CSMD3: variants seen among roughly 807,000 people sequenced by gnomAD.
CSMD3 encodes the protein CUB and sushi domain-containing protein 3.
CSMD3 carries 177 observed loss-of-function variants against 435.2 expected under a neutral mutation model. The observed-to-expected ratio is 0.41, with a 90% CI of 0.36 to 0.46. The LOEUF is 0.46. CSMD3 is among the 20% of genes least tolerant of loss of function. CSMD3 has a pLI of 0.34. For missense variants in CSMD3, 4,265 were observed against 4,504.6 expected (o/e 0.95, Z 1.52); for synonymous variants, 1,656 against 1,520.5 (o/e 1.09, Z -2.07).
chr8:112,684,935 C>A (rs1468703263), intron 15 of CSMD3, among the ~76,000 whole-genome samples: 1 of 152,110 alleles, frequency 6.6e-6, no homozygotes, highest in East Asian at 1.9e-4. Flanking sequence ...ATTTCCTTTT[C>A]TATGATGCTA....
chr8:112,947,660 A>G (rs1180510314), intron 9 of CSMD3, 130 bp downstream of exon 9: 4 of 552,444 alleles, frequency 7.2e-6, no homozygotes, highest in Non-Finnish European at 1.3e-5. Context: ...TATTATTAAT[A>G]ACAATACATT....
At chr8:112,357,096 A>G (rs1826691303) in intron 38 of CSMD3, among the ~76,000 whole-genome samples, 2 of 152,156 alleles carry the variant, frequency 1.3e-5, no homozygotes, top group African/African-American at 2.4e-5. Context: ...GGAACTTCCT[A>G]GAGACTTGTT....
chr8:112,671,694 G>GC (rs2075659677), intron 16 of CSMD3, among the ~76,000 whole-genome samples: 2 of 152,080 alleles, frequency 1.3e-5, no homozygotes, highest in African/African-American at 4.8e-5. Flanking sequence ...TAGCGGCAGA[G>GC]CTGAGACTCA....
chr8:113,231,500 A>T (rs2093086504), intron 3 of CSMD3, among the ~76,000 whole-genome samples: 1 of 151,488 alleles, frequency 6.6e-6, no homozygotes, highest in African/African-American at 2.4e-5. Flanking sequence ...TAAAAAACAA[A>T]CTAAATGAAT....
At chr8:112,226,628 G>A (rs900814920) in intron 70 of CSMD3, among the ~76,000 whole-genome samples, 3 of 152,006 alleles carry the variant, frequency 2.0e-5, no homozygotes, top group Non-Finnish European at 2.9e-5. Context: ...TACAACCCAC[G>A]GAAAGGGAGA....
chr8:112,743,992 GAA>G (rs1317653848), intron 13 of CSMD3, among the ~76,000 whole-genome samples: 1 of 151,930 alleles, frequency 6.6e-6, no homozygotes, highest in Non-Finnish European at 1.5e-5. Flanking sequence ...TTAAATCTAT[GAA>G]ATGGTCTGTT....
intron 31 of CSMD3, among the ~76,000 whole-genome samples, chr8:112,478,940 G>A (rs1034650825): frequency 1.3e-5 from 2 of 152,138 alleles, no homozygotes; most frequent in Admixed American, 1.3e-4. Flanking sequence ...GCTATGCACA[G>A]AGGAGAGAAC....
At chr8:113,093,891 T>C (rs2090083643) in intron 5 of CSMD3, among the ~76,000 whole-genome samples, 2 of 152,152 alleles carry the variant, frequency 1.3e-5, no homozygotes, top group African/African-American at 4.8e-5. Flanking sequence ...GCATGCCATG[T>C]TTTCACTAAT....
intron 2 of CSMD3, among the ~76,000 whole-genome samples, chr8:113,298,719 T>A (rs1453068645): frequency 6.6e-6 from 1 of 152,106 alleles, no homozygotes; most frequent in African/African-American, 2.4e-5. Context: ...ACTAGTTACA[T>A]GTTTGGTAAA....
intron 7 of CSMD3, among the ~76,000 whole-genome samples, chr8:112,957,523 G>A (rs1157623250): frequency 6.6e-6 from 1 of 151,808 alleles, no homozygotes; most frequent in African/African-American, 2.4e-5. Flanking sequence ...GCGCGATCTC[G>A]GCTCACTGGA....
chr8:112,395,354 A>G (rs1830772604), intron 35 of CSMD3, among the ~76,000 whole-genome samples: 1 of 152,166 alleles, frequency 6.6e-6, no homozygotes, highest in Non-Finnish European at 1.5e-5. Context: ...GCTTCATTCA[A>G]ATGCCAAAAA....
At chr8:112,409,588 T>C (rs993581692) in intron 32 of CSMD3, among the ~76,000 whole-genome samples, 1 of 152,028 alleles carries the variant, frequency 6.6e-6, no homozygotes, top group Non-Finnish European at 1.5e-5. Flanking sequence ...CCTAAACATT[T>C]ATTGTTAATC....
At chr8:112,830,936 G>A (rs369658281) in intron 11 of CSMD3, among the ~76,000 whole-genome samples, 3 of 151,708 alleles carry the variant, frequency 2.0e-5, no homozygotes, top group Admixed American at 1.3e-4. Context: ...ACAGGTGCCC[G>A]CCACCATGCC....
At chr8:113,021,554 AC>A (rs1218093183) in intron 5 of CSMD3, among the ~76,000 whole-genome samples, 6 of 152,104 alleles carry the variant, frequency 3.9e-5, no homozygotes, top group Non-Finnish European at 2.9e-5. Flanking sequence ...TTTGGAGATG[AC>A]CCCCTAAAAG....
intron 13 of CSMD3, among the ~76,000 whole-genome samples, chr8:112,696,214 G>A (rs935235469): frequency 1.4e-4 from 22 of 152,090 alleles, no homozygotes; most frequent in Admixed American, 1.3e-3. Flanking sequence ...CACAGAATTT[G>A]AAAAAACTAC....
At chr8:113,231,765 A>T (rs1001322064) in intron 3 of CSMD3, among the ~76,000 whole-genome samples, 5 of 151,516 alleles carry the variant, frequency 3.3e-5, no homozygotes, top group South Asian at 2.1e-4. Context: ...TTCTCAAAAA[A>T]TATTAGATAA....
chr8:112,879,677 ACT>A (rs2081393661), intron 10 of CSMD3, among the ~76,000 whole-genome samples: 1 of 151,926 alleles, frequency 6.6e-6, no homozygotes, highest in Non-Finnish European at 1.5e-5. Flanking sequence ...TCGCTTTTAT[ACT>A]CTTTCTCTTT....
At chr8:113,232,786 C>T (rs2093103219) in intron 3 of CSMD3, among the ~76,000 whole-genome samples, 1 of 151,636 alleles carries the variant, frequency 6.6e-6, no homozygotes, top group African/African-American at 2.4e-5. Flanking sequence ...ATGAACTTTA[C>T]TCTCATAAAA....
At chr8:112,884,306 A>G (rs1587572672) in intron 10 of CSMD3, among the ~76,000 whole-genome samples, 1 of 151,706 alleles carries the variant, frequency 6.6e-6, no homozygotes, top group Non-Finnish European at 1.5e-5. Flanking sequence ...AACCCATGTG[A>G]GTGATAAAAA....
Sources: gnomAD v4.1 joint callset for allele counts (sites outside exome capture counted in the v4.1 genomes callset) on GRCh38, gnomAD v4.1.1 for gene constraint, MANE v1.5 for transcripts, NCBI Gene and HGNC (gene_info 2026-07-23, HGNC 2026-07-21) for gene names.